Variants in BRF1 observed in about 807,000 individuals in gnomAD.
BRF1 encodes the protein BRF1 general transcription factor IIIB subunit.
Under a neutral mutation model 81.7 loss-of-function variants are expected in BRF1, and 59 were observed. The observed-to-expected ratio is 0.72, with a 90% CI of 0.59 to 0.90. The LOEUF (loss-of-function observed/expected upper bound fraction) is 0.90. BRF1 is among the 40% of genes least tolerant of loss of function. The probability of loss-of-function intolerance (pLI) is 0.00; values close to 1 mark genes in which losing one functional copy is unlikely to be tolerated. For synonymous variants in BRF1, 491 were observed against 395.6 expected, an observed-to-expected ratio of 1.24 and a Z score of -2.86; for missense variants, 1,050 against 936.3, an observed-to-expected ratio of 1.12 and a Z score of -1.58.
At position 105,315,085 on chromosome 14, in the gene BRF1, G is replaced by T. The variant is rs974552156; in HGVS notation, c.-162+237C>A. The T allele has an allele frequency of 1.4e-5, 15 of 1,068,620 alleles. No homozygotes were observed. The African/African-American group carries it at 1.5e-4, about 11-fold the overall frequency. The allele number at this position is 1,068,620 out of a possible 1,614,324, so 66.2% of individuals were successfully genotyped here. A position where few individuals can be genotyped will look rare whatever the true frequency, so the allele number is the denominator to read the frequency against. ...TGTTCCCGCCGGGCACCTGCTGGGG[G>T]TGTCCTGGCCGCGGCCTCTGCGCGC... is the stretch of plus-strand genomic sequence containing the variant. On this transcript the variant is annotated intron_variant, in intron 1 of 17. Transcript: ENST00000327359. The surrounding 1 kb of genome is among the most constrained non-coding windows in gnomAD (Gnocchi z 4.4).
intron 4 of BRF1, chr14:105,256,315 A>C: frequency 6.5e-7 from 1 of 1,548,360 alleles, no homozygotes; most frequent in Non-Finnish European, 8.7e-7. Context: ...ATGGAGACCC[A>C]CACTCCCACA....
chr14:105,283,210 G>A (rs1026716710), intron 2 of BRF1, among the ~76,000 whole-genome samples: 6 of 152,172 alleles, frequency 3.9e-5, no homozygotes, highest in Non-Finnish European at 5.9e-5. Flanking sequence ...CGACTCCGGC[G>A]AAAAGTCAGC....
In BRF1 at chr14:105,300,683, G is replaced by A. The variant is rs1233740092; in HGVS notation, c.-54C>T. On this transcript the variant is annotated 5_prime_UTR_variant, in exon 1 of 18. Coordinates refer to ENST00000547530, the MANE Select transcript of BRF1 (RefSeq NM_001519.4). Reference sequence around the variant, plus strand: ...GCCTCCCAAGACTCTCAAGCCACCCGAGCCTCCGGAGCAGCCCGCGCCGCC... The same window carrying A: ...GCCTCCCAAGACTCTCAAGCCACCCAAGCCTCCGGAGCAGCCCGCGCCGCC... The A allele has an allele frequency of 8.1e-7, 1 of 1,237,908 alleles. No individual in the cohort carries two copies. The highest frequency in any genetic ancestry group is 3.1e-5 in the South Asian group (1 of 31,750). 76.7% of individuals were successfully genotyped at this position (1,237,908 alleles called of 1,614,324 possible). A position where few individuals can be genotyped will look rare whatever the true frequency, so the allele number is the denominator to read the frequency against.
Position 105,222,038 on chromosome 14 carries a change from C to T in BRF1, c.1049-124G>A, listed in dbSNP as rs967102628. ...ACGGCTGTCAGTGCACGGTGCCTGGCGGTCAGGTGCCAAAGAACGAGCCTC... is the reference window on the plus strand; with the variant it reads ...ACGGCTGTCAGTGCACGGTGCCTGGTGGTCAGGTGCCAAAGAACGAGCCTC... On this transcript the variant is annotated intron_variant, in intron 10 of 17. Transcript: ENST00000547530. The T allele has an allele frequency of 2.1e-5, 27 of 1,264,514 alleles. No homozygotes were observed. In the African/African-American group the frequency reaches 2.6e-4, roughly 12 times the overall value. 78.3% of individuals were successfully genotyped at this position (1,264,514 alleles called of 1,614,324 possible).
chr14:105,281,744 CT>C lies in BRF1; in HGVS notation c.265+4551del, dbSNP rs201600371. On this transcript the variant is annotated intron_variant, in intron 2 of 17. Transcript: ENST00000547530. ...CTAAAATGCTCTAAAAATTACAAGT[CT>C]TTTTTTTTTTTTTAAATTCCTTTCT... Among the ~76,000 whole-genome samples the C allele has an allele frequency of 4.0e-3, 567 of 143,426 alleles. 1 individual carries two copies. The highest frequency in any genetic ancestry group is 3.7e-3 in the Non-Finnish European group (241 of 65,090). The allele number at this position is 143,426 out of a possible 152,430, so 94.1% of individuals were successfully genotyped here.
In BRF1 at chr14:105,210,840, G is replaced by A. The variant is rs1025611337; in HGVS notation, c.1997-252C>T. On this transcript the variant is annotated intron_variant, in intron 17 of 17. Coordinates refer to ENST00000547530, the MANE Select transcript of BRF1 (RefSeq NM_001519.4). The surrounding 1 kb of genome is among the most constrained non-coding windows in gnomAD (Gnocchi z 4.7). ...TGGGCTCCCTCAGCCTCCCTCCCTGGGTGTGCAGGTCCGTGGTGGTGTGCA... is the reference window on the plus strand; with the variant it reads ...TGGGCTCCCTCAGCCTCCCTCCCTGAGTGTGCAGGTCCGTGGTGGTGTGCA... 3.9e-5 allele frequency among the ~76,000 whole-genome samples: 6 copies of A among 152,102 alleles called. No individual in the cohort carries two copies. Among genetic ancestry groups the A allele is most frequent in the Admixed American group, 3.3e-4 (5 of 15,272 alleles).
In BRF1 at chr14:105,209,992, A is replaced by G; in HGVS notation, c.*559T>C. On this transcript the variant is annotated 3_prime_UTR_variant, in exon 18 of 18. Transcript: ENST00000547530. ...TGGATGCAGGGCCACAGCTGGAGGC[A>G]GAGGACCTTCAAGGAGCTGCTGCCT... The G allele has an allele frequency of 3.7e-6, 1 of 273,912 alleles. No homozygotes were observed. The highest frequency in any genetic ancestry group is 6.9e-6 in the Non-Finnish European group (1 of 145,764). 17.0% of individuals were successfully genotyped at this position (273,912 alleles called of 1,614,324 possible). A position where few individuals can be genotyped will look rare whatever the true frequency, so the allele number is the denominator to read the frequency against.
intron 12 of BRF1, 41 bp downstream of exon 12, chr14:105,220,027 TC>T: frequency 6.2e-7 from 1 of 1,606,018 alleles, no homozygotes. Flanking sequence ...TGCAGCGCCC[TC>T]CCAAGCCCAG....
At chr14:105,241,226 C>G (rs587768061) in intron 6 of BRF1, 39 bp downstream of exon 6, 28 of 1,603,346 alleles carry the variant, frequency 1.7e-5, no homozygotes, top group African/African-American at 6.7e-5. Context: ...AGGCCAGGAC[C>G]CAGACCAGCA....
chr14:105,249,365 C>T (rs763350730), intron 5 of BRF1: 3 of 1,611,032 alleles, frequency 1.9e-6, no homozygotes, highest in Admixed American at 1.7e-5. Context: ...CCCAGTACGT[C>T]TTGGCTGTCG....
At position 105,212,076 on chromosome 14, in the gene BRF1, C is replaced by T. The variant is rs761336269; in HGVS notation, c.1824+37G>A. ...GCCCAGGAAGAAGTGGGCTGCCTCC[C>T]AAGGTCTCCCTGCCCTGGCTGCGTG... is the stretch of plus-strand genomic sequence containing the variant. On this transcript the variant is annotated intron_variant, in intron 16 of 17. Transcript: ENST00000547530. The T allele has an allele frequency of 1.9e-6, 3 of 1,608,088 alleles. No individual in the cohort carries two copies. The Admixed American group carries it at 5.0e-5, about 27-fold the overall frequency.
At chr14:105,247,236 G>T (rs2055184299) in intron 5 of BRF1, 2 of 985,446 alleles carry the variant, frequency 2.0e-6, no homozygotes, top group South Asian at 9.4e-5. Flanking sequence ...GGACTCTCAT[G>T]CATATGCTAC....
At chr14:105,257,537 C>G (rs1450720915) in intron 3 of BRF1, among the ~76,000 whole-genome samples, 1 of 152,162 alleles carries the variant, frequency 6.6e-6, no homozygotes, top group African/African-American at 2.4e-5. Context: ...CAGAGCAGAA[C>G]CCCCAGGACG....
At chr14:105,222,557 C>G (rs1421809946) in intron 10 of BRF1, 1 of 152,370 alleles carries the variant, frequency 6.6e-6, no homozygotes. Flanking sequence ...CCAGGCCGCA[C>G]TTCCCAGACA....
chr14:105,248,581 G>C lies in BRF1; in HGVS notation c.544+3926C>G, dbSNP rs1224597327. 8.2e-6 allele frequency: 7 copies of C among 858,778 alleles called. 1 individual carries two copies. In the African/African-American group the frequency reaches 1.3e-4, roughly 16 times the overall value. The allele number at this position is 858,778 out of a possible 1,614,324, so 53.2% of individuals were successfully genotyped here. On this transcript the variant is annotated intron_variant, in intron 5 of 17. Transcript: ENST00000547530. ...GGCGGGTACGGGCTCGGGCGGGCGG[G>C]CGGGCGGGACGGCGCCCCCCGCGGC...
At chr14:105,287,159 C>T (rs1375436451) in intron 1 of BRF1, among the ~76,000 whole-genome samples, 20 of 152,232 alleles carry the variant, frequency 1.3e-4, no homozygotes, top group Non-Finnish European at 4.4e-5. Flanking sequence ...ATGCCTACGA[C>T]GTCCACCACA....
chr14:105,215,097 T>C (rs587762443), intron 15 of BRF1, among the ~76,000 whole-genome samples: 1 of 152,092 alleles, frequency 6.6e-6, no homozygotes, highest in East Asian at 1.9e-4. Context: ...ATCATGGCCA[T>C]GTTGGGGGGA....
In BRF1 at chr14:105,252,550, A is replaced by AAACGTCTTTT; in HGVS notation, c.500_501insAAAAGACGTT (p.Phe167LeufsTer78). On this transcript the variant is annotated frameshift_variant, in exon 5 of 18. Coordinates refer to ENST00000547530, the MANE Select transcript of BRF1 (RefSeq NM_001519.4). LOFTEE classifies it high-confidence loss of function. The stretch of plus-strand genomic sequence containing the variant: ...TGCAGAGCTCTCTTGCCAAGAGAAG[A>AAACGTCTTTT]AACGTCTTTCCAAGCACGTACACAT... 1 of 1,613,928 alleles carries AAACGTCTTTT rather than the reference A, an allele frequency of 6.2e-7. No homozygotes were observed.
intron 1 of BRF1, among the ~76,000 whole-genome samples, chr14:105,290,683 T>C (rs1372484584): frequency 6.6e-6 from 1 of 152,098 alleles, no homozygotes; most frequent in East Asian, 1.9e-4. Context: ...CGTCAGCAGC[T>C]CCACGCTCCA....
Sources: allele counts gnomAD v4.1 joint callset (sites outside exome capture counted in the v4.1 genomes callset), GRCh38; gene constraint gnomAD v4.1.1; non-coding constraint Gnocchi (gnomAD v3.1); transcripts MANE v1.5; gene names NCBI Gene and HGNC (gene_info 2026-07-23, HGNC 2026-07-21).